Variants in TLR2 observed in about 807,000 individuals in gnomAD.
TLR2 encodes the protein toll-like receptor 2.
TLR2 carries 7 observed loss-of-function variants against 9.1 expected under a neutral mutation model. That is an observed-to-expected ratio of 0.77 (90% CI 0.44 to 1.44). The LOEUF (loss-of-function observed/expected upper bound fraction) is 1.44. TLR2 is among the 40% of genes most tolerant of loss of function. The pLI is 0.01. For missense variants in TLR2, 812 were observed against 904.6 expected (o/e 0.90, Z 1.31); for synonymous variants, 317 against 344.6 (o/e 0.92, Z 0.89).
Position 153,703,575 on chromosome 4 carries a change from C to T in TLR2, c.668C>T (p.Ser223Phe). The change falls in exon 3 of 3, where the codon TCC becomes TTC. Residue 223 changes from serine to phenylalanine, a missense_variant. By Grantham distance (155) the Ser-to-Phe change is radical. Coordinates refer to ENST00000642700, the MANE Select transcript of TLR2 (RefSeq NM_001318789.2). The part of the protein sequence containing the change: ...LLEIFVDVTS[S>F]VECLELRDTD... ...GAGATTTTTGTAGATGTTACAAGTT[C>T]CGTGGAATGTTTGGAACTGCGAGAT... 6.2e-7 allele frequency: 1 copy of T among 1,614,106 alleles called. No individual in the cohort carries two copies. Among genetic ancestry groups the T allele is most frequent in the South Asian group, 1.1e-5 (1 of 91,076 alleles).
intron 2 of TLR2, among the ~76,000 whole-genome samples, chr4:153,691,917 A>G (rs967649302): frequency 8.5e-5 from 13 of 152,324 alleles, no homozygotes; most frequent in Admixed American, 2.6e-4. Flanking sequence ...CGAGTTTTGC[A>G]AGTGATCATA....
At chr4:153,707,440 C>T (rs868100278), downstream of TLR2, among the ~76,000 whole-genome samples, 2 of 152,206 alleles carry the variant, frequency 1.3e-5, no homozygotes, top group South Asian at 2.1e-4. Flanking sequence ...GTCCTAGCTA[C>T]TCGGGATGCT....
At position 153,705,503 on chromosome 4, in the gene TLR2, A is replaced by G. The variant is rs1737278550; in HGVS notation, c.*241A>G. On this transcript the variant is annotated 3_prime_UTR_variant, in exon 3 of 3. Coordinates refer to ENST00000642700, the MANE Select transcript of TLR2 (RefSeq NM_001318789.2). ...ATGAGATAACCATGATCATAAGTCT[A>G]TTACTGATATCTGAATATAGTCCCT... is the stretch of plus-strand genomic sequence containing the variant. 1 of 387,308 alleles carries G rather than the reference A, an allele frequency of 2.6e-6. No individual in the cohort carries two copies. Among genetic ancestry groups the G allele is most frequent in the Non-Finnish European group, 4.8e-6 (1 of 207,824 alleles). 24.0% of individuals were successfully genotyped at this position (387,308 alleles called of 1,614,324 possible). A position where few individuals can be genotyped will look rare whatever the true frequency, so the allele number is the denominator to read the frequency against.
At position 153,684,346 on chromosome 4, in the gene TLR2, T is replaced by G. The variant is rs566244811; in HGVS notation, c.-177T>G. The G allele has an allele frequency of 6.0e-4, 92 of 152,472 alleles. No homozygotes were observed. Among genetic ancestry groups the G allele is most frequent in the African/African-American group, 2.0e-3 (85 of 41,590 alleles). The allele number at this position is 152,472 out of a possible 1,614,324, so 9.4% of individuals were successfully genotyped here. A position where few individuals can be genotyped will look rare whatever the true frequency, so the allele number is the denominator to read the frequency against. ...GCTCGGCGTTCTCTCAGGTGACTGC[T>G]CGGAGTTCTCCCAGGTACGTCGTGC... On this transcript the variant is annotated 5_prime_UTR_variant, in exon 1 of 3. Coordinates refer to ENST00000642700, the MANE Select transcript of TLR2 (RefSeq NM_001318789.2).
intron 2 of TLR2, chr4:153,702,370 C>T (rs1736954029): frequency 6.6e-6 from 1 of 152,294 alleles, no homozygotes; most frequent in African/African-American, 2.4e-5. Context: ...TCTTTTGGTC[C>T]CAAAGCATGC....
At chr4:153,700,013 C>T (rs1404338404) in intron 2 of TLR2, among the ~76,000 whole-genome samples, 1 of 152,048 alleles carries the variant, frequency 6.6e-6, no homozygotes, top group East Asian at 1.9e-4. Flanking sequence ...ATCTGTTTGA[C>T]CTTAGGAAGC....
At chr4:153,688,804 T>G in intron 2 of TLR2, 1 of 191,998 alleles carries the variant, frequency 5.2e-6, no homozygotes, top group Non-Finnish European at 1.1e-5. Flanking sequence ...CATGTCACAG[T>G]GCTGCAGAGA....
At chr4:153,707,427 C>G (rs984269072), downstream of TLR2, among the ~76,000 whole-genome samples, 1 of 152,082 alleles carries the variant, frequency 6.6e-6, no homozygotes, top group Non-Finnish European at 1.5e-5. Flanking sequence ...GCATGTGCCT[C>G]TGGTCCTAGC....
chr4:153,700,362 A>G (rs917791557), intron 2 of TLR2, among the ~76,000 whole-genome samples: 6 of 152,244 alleles, frequency 3.9e-5, no homozygotes, highest in African/African-American at 9.6e-5. Context: ...ATAGAAATAA[A>G]TCTCACAAAA....
intron 2 of TLR2, among the ~76,000 whole-genome samples, chr4:153,692,165 CAGCTAA>C (rs1736168456): frequency 6.6e-6 from 1 of 152,126 alleles, no homozygotes; most frequent in African/African-American, 2.4e-5. Flanking sequence ...CAGCCTTGCT[CAGCTAA>C]GGGGATAGTA....
intron 2 of TLR2, among the ~76,000 whole-genome samples, chr4:153,700,240 A>G (rs1736791787): frequency 6.6e-6 from 1 of 152,174 alleles, no homozygotes; most frequent in Admixed American, 6.6e-5. Flanking sequence ...ACCAGGTCCT[A>G]CCTTCAACAC....
chr4:153,705,355 C>A lies in TLR2; in HGVS notation c.*93C>A. 3.1e-6 allele frequency: 4 copies of A among 1,301,832 alleles called. No individual in the cohort carries two copies. The highest frequency in any genetic ancestry group is 4.1e-6 in the Non-Finnish European group (4 of 977,726). The allele number at this position is 1,301,832 out of a possible 1,614,324, so 80.6% of individuals were successfully genotyped here. ...TTCAGACATAATTATATAAAAACTA[C>A]GTGGATGTACCGTCATTTGAGGACT... On this transcript the variant is annotated 3_prime_UTR_variant, in exon 3 of 3. Coordinates refer to ENST00000642700, the MANE Select transcript of TLR2 (RefSeq NM_001318789.2).
intron 2 of TLR2, among the ~76,000 whole-genome samples, chr4:153,689,557 C>T (rs1377263525): frequency 1.3e-5 from 2 of 152,188 alleles, no homozygotes; most frequent in African/African-American, 4.8e-5. Context: ...CTGGCCAGGT[C>T]CAATTCTGTT....
intron 2 of TLR2, 80 bp from the exon 3 acceptor site, chr4:153,702,812 C>G: frequency 6.6e-6 from 4 of 607,034 alleles, no homozygotes; most frequent in Non-Finnish European, 7.8e-6. Context: ...GTGTGTTATG[C>G]CTAGAAAACA....
chr4:153,698,823 G>T (rs1045711091), intron 2 of TLR2, among the ~76,000 whole-genome samples: 2 of 152,120 alleles, frequency 1.3e-5, no homozygotes, highest in African/African-American at 4.8e-5. Flanking sequence ...TGCTTTTAAA[G>T]ATCTTCTAAT....
chr4:153,708,845 C>A (rs1397933141), downstream of TLR2, among the ~76,000 whole-genome samples: 1 of 152,140 alleles, frequency 6.6e-6, no homozygotes, highest in Non-Finnish European at 1.5e-5. Context: ...AAAAACTATG[C>A]TTTGTGCTTA....
At chr4:153,702,641 G>C in intron 2 of TLR2, 2 of 388,036 alleles carry the variant, frequency 5.2e-6, no homozygotes, top group East Asian at 8.1e-5. Context: ...CCGGATGGTT[G>C]TGCTTTTAAG....
intron 2 of TLR2, among the ~76,000 whole-genome samples, chr4:153,701,251 G>GA (rs926133344): frequency 6.6e-6 from 1 of 152,140 alleles, no homozygotes; most frequent in Non-Finnish European, 1.5e-5. Flanking sequence ...ACTAAGTCAT[G>GA]AGGGGTCTTT....
At chr4:153,707,236 A>T (rs1737363440), downstream of TLR2, among the ~76,000 whole-genome samples, 1 of 152,166 alleles carries the variant, frequency 6.6e-6, no homozygotes. Flanking sequence ...ACGACCTCCC[A>T]GAAGAGTGTT....
Sources: allele counts gnomAD v4.1 joint callset (sites outside exome capture counted in the v4.1 genomes callset), GRCh38; gene constraint gnomAD v4.1.1; transcripts MANE v1.5; gene names NCBI Gene and HGNC (gene_info 2026-07-23, HGNC 2026-07-21).